LAMC3: variants seen among roughly 807,000 people sequenced by gnomAD.
LAMC3 encodes the protein laminin subunit gamma-3.
Under a neutral mutation model 173.8 loss-of-function variants are expected in LAMC3, and 128 were observed. The ratio of observed to expected loss-of-function variants is 0.74; its 90% CI spans 0.64 to 0.85. The LOEUF is 0.85. Among genes scored for constraint, LAMC3 ranks in the 40% least tolerant of loss-of-function variants. The pLI, the probability that LAMC3 is intolerant of heterozygous loss-of-function variation, is 0.00. For missense variants in LAMC3, 2,022 were observed against 2,156.0 expected (o/e 0.94, Z 1.23); for synonymous variants, 897 against 909.1 (o/e 0.99, Z 0.24).
At chr9:131,019,574 C>T (rs1011527392) in intron 1 of LAMC3, among the ~76,000 whole-genome samples, 6 of 152,204 alleles carry the variant, frequency 3.9e-5, no homozygotes, top group Non-Finnish European at 7.3e-5. Flanking sequence ...TTAGTGAGCA[C>T]CTGCTATGTG....
intron 11 of LAMC3, among the ~76,000 whole-genome samples, chr9:131,055,620 T>C (rs1333195621): frequency 2.7e-5 from 4 of 150,720 alleles, no homozygotes; most frequent in South Asian, 2.1e-4. Context: ...AGAGACGGGG[T>C]TTCACCGTGT....
chr9:131,022,011 C>A (rs1306109627), intron 1 of LAMC3, among the ~76,000 whole-genome samples: 2 of 152,156 alleles, frequency 1.3e-5, no homozygotes, highest in African/African-American at 4.8e-5. Context: ...ACGCTTCATG[C>A]ATCAGCATTG....
intron 2 of LAMC3, among the ~76,000 whole-genome samples, chr9:131,030,808 C>T (rs1833810818): frequency 6.6e-6 from 1 of 152,248 alleles, no homozygotes; most frequent in Non-Finnish European, 1.5e-5. Flanking sequence ...CAGGCCTCAG[C>T]TCCTTGTCCA....
intron 22 of LAMC3, among the ~76,000 whole-genome samples, chr9:131,078,840 G>A (rs1464718488): frequency 1.3e-5 from 2 of 152,204 alleles, no homozygotes; most frequent in African/African-American, 2.4e-5. Context: ...TCAAGGCCAC[G>A]CAGCTAGAAA....
At chr9:131,090,872 CA>C (rs5900919) in intron 27 of LAMC3, among the ~76,000 whole-genome samples, 127,870 of 152,056 alleles carry the variant, frequency 0.84, 54,228 homozygotes, top group African/African-American at 0.93. Context: ...ACTAAAAATA[CA>C]AAAAAATTAG....
At chr9:131,087,211 G>A (rs912042486) in intron 25 of LAMC3, among the ~76,000 whole-genome samples, 1 of 152,220 alleles carries the variant, frequency 6.6e-6, no homozygotes, top group Non-Finnish European at 1.5e-5. Context: ...CTCGGGCTTT[G>A]GCCAGCCCCT....
intron 12 of LAMC3, 152 bp from the exon 13 acceptor site, chr9:131,060,883 T>C: frequency 1.3e-6 from 1 of 769,888 alleles, no homozygotes; most frequent in South Asian, 1.5e-5. Flanking sequence ...GCTCCAGGCC[T>C]GGACCCTCAA....
At chr9:131,044,050 C>A (rs928314097) in intron 7 of LAMC3, among the ~76,000 whole-genome samples, 13 of 151,306 alleles carry the variant, frequency 8.6e-5, no homozygotes, top group African/African-American at 3.2e-4. Context: ...CCTCTGTCTC[C>A]CGGGTTCAAG....
In LAMC3 at chr9:131,032,150, G is replaced by T; in HGVS notation, c.784G>T (p.Val262Leu). Residue 262 changes from valine to leucine, a missense_variant, in exon 3 of 28, where the codon GTG becomes TTG. By Grantham distance (32) the Val-to-Leu change is conservative. Coordinates refer to ENST00000361069, the MANE Select transcript of LAMC3 (RefSeq NM_006059.4). ...PKVLQSYYYA[V>L]SDFSVGGRCK... ...GGTGCTCCAGTCCTACTATTATGCCGTGTCCGACTTCTCTGTGGGCGGCAG... is the reference window on the plus strand; with the variant it reads ...GGTGCTCCAGTCCTACTATTATGCCTTGTCCGACTTCTCTGTGGGCGGCAG... 6.2e-7 allele frequency: 1 copy of T among 1,612,650 alleles called. No individual in the cohort carries two copies. The highest frequency in any genetic ancestry group is 8.5e-7 in the Non-Finnish European group (1 of 1,179,412).
chr9:131,068,249 GCCGGTGCCCTGGGGACCTCT>G lies in LAMC3; in HGVS notation c.2747+21_2747+40del. On this transcript the variant is annotated intron_variant, in intron 15 of 27. Transcript: ENST00000361069. Reference sequence around the variant, plus strand: ...TGCCGGAGGTAGGTAGGGTGAGACTGCCGGTGCCCTGGGGACCTCTCCAGGAGGGAAGAAGGCATCGGGCA... The same window carrying G: ...TGCCGGAGGTAGGTAGGGTGAGACTGCCAGGAGGGAAGAAGGCATCGGGCA... 6.2e-7 allele frequency: 1 copy of G among 1,604,482 alleles called. No individual in the cohort carries two copies. Among genetic ancestry groups the G allele is most frequent in the Non-Finnish European group, 8.5e-7 (1 of 1,175,562 alleles).
At chr9:131,075,340 G>A (rs779459097) in intron 20 of LAMC3, among the ~76,000 whole-genome samples, 7 of 152,158 alleles carry the variant, frequency 4.6e-5, no homozygotes, top group South Asian at 2.1e-4. Flanking sequence ...TTGGGAGGCC[G>A]AGGTGGGTGG....
chr9:131,052,018 G>C (rs562655026), intron 9 of LAMC3, among the ~76,000 whole-genome samples: 2 of 152,130 alleles, frequency 1.3e-5, no homozygotes. Flanking sequence ...AGCATGGCCC[G>C]GGGCCCAGAG....
At chr9:131,073,180 C>T (rs1232292559) in intron 19 of LAMC3, 65 bp from the exon 20 acceptor site, 1 of 1,209,860 alleles carries the variant, frequency 8.3e-7, no homozygotes, top group African/African-American at 1.5e-5. Flanking sequence ...ACAATTGGAC[C>T]AGATGTGGCC....
chr9:131,011,588 A>T (rs1238202172), intron 1 of LAMC3, among the ~76,000 whole-genome samples: 1 of 148,158 alleles, frequency 6.7e-6, no homozygotes, highest in African/African-American at 2.5e-5. Flanking sequence ...TTCTGGGGCC[A>T]CGTCACCTTC....
chr9:131,078,138 C>T (rs1830168220), intron 22 of LAMC3, among the ~76,000 whole-genome samples: 1 of 152,156 alleles, frequency 6.6e-6, no homozygotes, highest in South Asian at 2.1e-4. Flanking sequence ...CTGCATGAAC[C>T]GGGTCCATCG....
intron 9 of LAMC3, among the ~76,000 whole-genome samples, chr9:131,051,101 G>A (rs994687475): frequency 6.6e-5 from 10 of 152,294 alleles, no homozygotes; most frequent in African/African-American, 1.7e-4. Flanking sequence ...TCAGTGTTTC[G>A]GGAGCTGTCC....
intron 20 of LAMC3, among the ~76,000 whole-genome samples, chr9:131,075,365 G>A (rs908084609): frequency 9.2e-5 from 14 of 152,156 alleles, no homozygotes; most frequent in Non-Finnish European, 1.8e-4. Context: ...CCTGAGGACA[G>A]GAGGTCGAGA....
rs145553750 is a variant in LAMC3, at chr9:131,012,971, C to T, written c.373+3384C>T. Among the ~76,000 whole-genome samples the T allele has an allele frequency of 2.6e-3, 400 of 152,344 alleles. 1 individual carries two copies. The highest frequency in any genetic ancestry group is 9.2e-3 in the African/African-American group (384 of 41,578). ...GAAAGGCAGCAGTGGGCTCTGGCAGCCCCAGCCCACCACCAAGGCCCAGGG... is the reference window on the plus strand; with the variant it reads ...GAAAGGCAGCAGTGGGCTCTGGCAGTCCCAGCCCACCACCAAGGCCCAGGG... On this transcript the variant is annotated intron_variant, in intron 1 of 27. Transcript: ENST00000361069.
chr9:131,015,963 C>G (rs1245856934), intron 1 of LAMC3, among the ~76,000 whole-genome samples: 1 of 152,122 alleles, frequency 6.6e-6, no homozygotes, highest in Non-Finnish European at 1.5e-5. Flanking sequence ...TGACCCATAA[C>G]AGCATTTCCA....
Sources: allele counts gnomAD v4.1 joint callset (sites outside exome capture counted in the v4.1 genomes callset), GRCh38; gene constraint gnomAD v4.1.1; transcripts MANE v1.5; gene names NCBI Gene and HGNC (gene_info 2026-07-23, HGNC 2026-07-21).